PNPLA6: variants seen among roughly 807,000 people sequenced by gnomAD.
The protein encoded by PNPLA6 is patatin like domain 6, lysophospholipase, also known as patatin-like phospholipase domain-containing protein 6.
Under a neutral mutation model 153.7 loss-of-function variants are expected in PNPLA6, and 105 were observed. The observed-to-expected ratio is 0.68, with a 90% CI of 0.58 to 0.80. PNPLA6 has a LOEUF of 0.80. PNPLA6 is among the 30% of genes least tolerant of loss of function. The pLI, the probability that PNPLA6 is intolerant of heterozygous loss-of-function variation, is 0.00. For missense variants in PNPLA6, 1,423 were observed against 1,919.3 expected (o/e 0.74, Z 4.83); for synonymous variants, 825 against 822.2 (o/e 1.00, Z -0.06).
At chr19:7,551,586 C>G in intron 18 of PNPLA6, 149 bp downstream of exon 18, 1 of 723,896 alleles carries the variant, frequency 1.4e-6, no homozygotes, top group Non-Finnish European at 2.5e-6. Flanking sequence ...CTAAGTAGGA[C>G]CCAGGTGCAG....
chr19:7,551,718 G>T (rs543893753), intron 18 of PNPLA6, among the ~76,000 whole-genome samples: 3 of 152,088 alleles, frequency 2.0e-5, no homozygotes, highest in Non-Finnish European at 4.4e-5. Context: ...AGTCTTAGGC[G>T]GTGGACTTGG....
chr19:7,539,902 C>A lies in PNPLA6; in HGVS notation c.414-16C>A. On this transcript the variant is annotated splice_polypyrimidine_tract_variant and intron_variant, in intron 3 of 31. Coordinates refer to ENST00000600737, the MANE Select transcript of PNPLA6 (RefSeq NM_001166114.2). The stretch of plus-strand genomic sequence containing the variant: ...CCGTGCCCCCCTCACCCCCGGCACC[C>A]CTCCCCTCCCACCAGGATCCTGCGC... 6.5e-7 allele frequency: 1 copy of A among 1,528,056 alleles called. No individual in the cohort carries two copies. The highest frequency in any genetic ancestry group is 8.8e-7 in the Non-Finnish European group (1 of 1,136,602). 94.7% of individuals were successfully genotyped at this position (1,528,056 alleles called of 1,614,324 possible).
At position 7,541,197 on chromosome 19, in the gene PNPLA6, C is replaced by T. The variant is rs1599274356; in HGVS notation, c.924+146C>T. The T allele has an allele frequency of 2.7e-6, 3 of 1,125,354 alleles. No individual in the cohort carries two copies. The South Asian group carries it at 4.0e-5, about 15-fold the overall frequency. 69.7% of individuals were successfully genotyped at this position (1,125,354 alleles called of 1,614,324 possible). ...TGGAGCAGCCAGATGTCTGCAGCCG[C>T]GGACTCCTCCCTTAGCTGCCTCGCC... On this transcript the variant is annotated intron_variant, in intron 7 of 31. Transcript: ENST00000600737. This position sits in a 1 kb window ranked among gnomAD's most constrained non-coding sequence, Gnocchi z 5.2.
Position 7,540,817 on chromosome 19 carries a change from C to A in PNPLA6, c.796-106C>A. 1 of 1,562,320 alleles carries A rather than the reference C, an allele frequency of 6.4e-7. No homozygotes were observed. Among genetic ancestry groups the A allele is most frequent in the Non-Finnish European group, 8.8e-7 (1 of 1,133,412 alleles). ...CCCAATCTCTGGTTCATCCGTTATG[C>A]TGCCGATGGCCCCTCACGGGACTGG... On this transcript the variant is annotated intron_variant, in intron 6 of 31. Coordinates refer to ENST00000600737, the MANE Select transcript of PNPLA6 (RefSeq NM_001166114.2). This position sits in a 1 kb window ranked among gnomAD's most constrained non-coding sequence, Gnocchi z 6.8.
Position 7,555,237 on chromosome 19 carries a change from C to A in PNPLA6, c.2818-12C>A, listed in dbSNP as rs765763340. On this transcript the variant is annotated splice_polypyrimidine_tract_variant and intron_variant, in intron 22 of 31. Coordinates refer to ENST00000600737, the MANE Select transcript of PNPLA6 (RefSeq NM_001166114.2). This position sits in a 1 kb window ranked among gnomAD's most constrained non-coding sequence, Gnocchi z 6.3. Reference sequence around the variant, plus strand: ...TCATGCTCCTGGGTCGCGACTATCTCCCCCATCCCAGCATGAGCTCTACGA... The same window carrying A: ...TCATGCTCCTGGGTCGCGACTATCTACCCCATCCCAGCATGAGCTCTACGA... The A allele has an allele frequency of 1.0e-5, 16 of 1,586,394 alleles. No homozygotes were observed. The highest frequency in any genetic ancestry group is 1.8e-5 in the Admixed American group (1 of 56,986).
intron 13 of PNPLA6, among the ~76,000 whole-genome samples, chr19:7,544,112 CT>C (rs1410407962): frequency 5.6e-4 from 80 of 141,662 alleles, no homozygotes; most frequent in Middle Eastern, 4.2e-3. Flanking sequence ...TGCGCCCGGC[CT>C]TTTTTTTTTT....
Position 7,556,678 on chromosome 19 carries a change from C to T in PNPLA6, c.3234C>T (p.Asn1078=), listed in dbSNP as rs148831568. The T allele has an allele frequency of 3.2e-4, 517 of 1,613,712 alleles. 3 individuals are homozygous for T. In the African/African-American group the frequency reaches 5.5e-3, roughly 17 times the overall value. The change falls in exon 26 of 32, where the codon AAC becomes AAT. Residue 1078 remains asparagine, a synonymous_variant. Coordinates refer to ENST00000600737, the MANE Select transcript of PNPLA6 (RefSeq NM_001166114.2). ...QIEDLWLPYF[N]VTTDITASAM... ...AGGACCTGTGGCTGCCTTACTTCAA[C>T]GTGACCACAGATATCACCGCCTCAG...
At chr19:7,545,699 G>C (rs1280459591) in intron 13 of PNPLA6, among the ~76,000 whole-genome samples, 1 of 151,778 alleles carries the variant, frequency 6.6e-6, no homozygotes, top group Non-Finnish European at 1.5e-5. Context: ...ATCACTTGAG[G>C]TCAGGAGTTC....
chr19:7,535,937 T>A lies in PNPLA6; in HGVS notation c.149T>A (p.Leu50His). The change falls in exon 1 of 32, where the codon CTT (leucine) becomes CAT (histidine). Residue 50 changes from leucine to histidine, a missense_variant. This residue lies in a region of PNPLA6 where 109 missense variants were observed against 109.4 expected (regional missense o/e 1.00). Transcript: ENST00000600737. This position sits in a 1 kb window ranked among gnomAD's most constrained non-coding sequence, Gnocchi z 5.0. Reference protein sequence around the residue: ...AQPVPFVPQVLGVMIGAGVAV... With the variant: ...AQPVPFVPQVHGVMIGAGVAV... The stretch of plus-strand genomic sequence containing the variant: ...CCAGTGCCGTTCGTCCCTCAGGTGC[T>A]TGGCGTGATGATCGGGGCCGGAGTG... 1 of 1,584,110 alleles carries A rather than the reference T, an allele frequency of 6.3e-7. No individual in the cohort carries two copies. The highest frequency in any genetic ancestry group is 1.1e-5 in the South Asian group (1 of 87,316).
chr19:7,549,333 C>T (rs991667959), intron 13 of PNPLA6, among the ~76,000 whole-genome samples: 3 of 150,444 alleles, frequency 2.0e-5, no homozygotes, highest in African/African-American at 7.3e-5. Context: ...ACTACAGGCG[C>T]CCGCCACCAC....
chr19:7,536,176 C>A lies in PNPLA6; in HGVS notation c.233-15C>A. On this transcript the variant is annotated splice_polypyrimidine_tract_variant and intron_variant, in intron 1 of 31. Transcript: ENST00000600737. Reference sequence around the variant, plus strand: ...GCACAGAGCTCGGAGTGCCCCTGTCCCCACCTATCCCCAGAAACCCCAGCC... The same window carrying A: ...GCACAGAGCTCGGAGTGCCCCTGTCACCACCTATCCCCAGAAACCCCAGCC... 1 of 1,582,652 alleles carries A rather than the reference C, an allele frequency of 6.3e-7. No individual in the cohort carries two copies. Among genetic ancestry groups the A allele is most frequent in the Non-Finnish European group, 8.7e-7 (1 of 1,151,392 alleles).
At chr19:7,552,043 G>A (rs529418388) in intron 18 of PNPLA6, among the ~76,000 whole-genome samples, 2 of 152,288 alleles carry the variant, frequency 1.3e-5, no homozygotes, top group South Asian at 2.1e-4. Flanking sequence ...CCCGGAGGTC[G>A]AGGCTGCAGT....
At chr19:7,558,547 G>C (rs1010854907) in intron 27 of PNPLA6, among the ~76,000 whole-genome samples, 1 of 152,168 alleles carries the variant, frequency 6.6e-6, no homozygotes. Context: ...CAAGAGAGTT[G>C]CTTGAACCCG....
At chr19:7,558,794 C>A in intron 27 of PNPLA6, 56 bp from the exon 28 acceptor site, 2 of 1,335,522 alleles carry the variant, frequency 1.5e-6, no homozygotes, top group South Asian at 1.2e-5. Context: ...CTGGGTTGAA[C>A]ATCTCTGCCC....
intron 13 of PNPLA6, 26 bp downstream of exon 13, chr19:7,543,110 C>T: frequency 6.3e-7 from 1 of 1,594,106 alleles, no homozygotes. Flanking sequence ...GACCTGTAAC[C>T]ATGCCACCTG....
At chr19:7,558,438 C>T (rs1240728936) in intron 27 of PNPLA6, among the ~76,000 whole-genome samples, 2 of 152,160 alleles carry the variant, frequency 1.3e-5, no homozygotes, top group African/African-American at 4.8e-5. Context: ...TCGAGGCCAG[C>T]CTGGCCAACA....
chr19:7,540,023 G>A lies in PNPLA6; in HGVS notation c.519G>A (p.Leu173=). 1 of 1,610,058 alleles carries A rather than the reference G, an allele frequency of 6.2e-7. No individual in the cohort carries two copies. The highest frequency in any genetic ancestry group is 8.5e-7 in the Non-Finnish European group (1 of 1,178,218). ...AGGGCGACCTGGCTAACTCCCATCT[G>A]CCCTCTGAAGTGCTTTATATGCTCA... The part of the protein sequence containing the change: ...LTEGDLANSH[L]PSEVLYMLKN... The change falls in exon 4 of 32, where the codon CTG becomes CTA. Residue 173 remains leucine (L), a synonymous_variant. Transcript: ENST00000600737. This position sits in a 1 kb window ranked among gnomAD's most constrained non-coding sequence, Gnocchi z 6.8.
chr19:7,535,685 G>A, upstream of PNPLA6: 2 of 1,528,624 alleles, frequency 1.3e-6, no homozygotes, highest in East Asian at 2.5e-5. This position sits in a 1 kb window ranked among gnomAD's most constrained non-coding sequence, Gnocchi z 5.0. Context: ...AACGCGCTGC[G>A]TCCGCTCGGG....
chr19:7,539,232 C>G (rs2023008864), intron 3 of PNPLA6, among the ~76,000 whole-genome samples: 1 of 152,136 alleles, frequency 6.6e-6, no homozygotes, highest in Admixed American at 6.5e-5. Context: ...AATCCTAGCA[C>G]TTTGGGAGGC....
Sources: allele counts gnomAD v4.1 joint callset (sites outside exome capture counted in the v4.1 genomes callset), GRCh38; gene constraint gnomAD v4.1.1; regional missense constraint gnomAD v4.1.1; non-coding constraint Gnocchi (gnomAD v3.1); transcripts MANE v1.5; gene names NCBI Gene and HGNC (gene_info 2026-07-23, HGNC 2026-07-21).